The following NCK2 variants were observed in gnomAD, a reference collection of about 807,000 sequenced individuals.
NCK2 encodes the protein NCK adaptor protein 2.
A neutral mutation model predicts 33.9 loss-of-function variants in NCK2; 16 were observed. The observed-to-expected ratio is 0.47, with a 90% CI of 0.32 to 0.72. The LOEUF is 0.72. Ranked by LOEUF, NCK2 falls within the 30% of genes least tolerant of loss-of-function variation. NCK2 has a pLI of 0.03. For synonymous variants in NCK2, 273 were observed against 239.9 expected (o/e 1.14, Z -1.27); for missense variants, 418 against 537.3 (o/e 0.78, Z 2.19).
chr2:105,833,999 CTGAGA>C (rs1350430351), intron 2 of NCK2, among the ~76,000 whole-genome samples: 1 of 152,208 alleles, frequency 6.6e-6, no homozygotes, highest in African/African-American at 2.4e-5. Context: ...CTATTGTGTT[CTGAGA>C]TAATACCTGA....
chr2:105,763,021 C>A (rs1325900049), intron 1 of NCK2, among the ~76,000 whole-genome samples: 1 of 152,094 alleles, frequency 6.6e-6, no homozygotes, highest in Admixed American at 6.5e-5. Flanking sequence ...ACAGTGAAAC[C>A]CCGTCTCTAC....
At position 105,770,494 on chromosome 2, in the gene NCK2, C is replaced by T. The variant is rs534937240; in HGVS notation, c.-201+25356C>T. Reference sequence around the variant, plus strand: ...TACTGTAAGGTTGTGTGTGTGTATGCGAATGTGTGTTTACATAACTGATCA... The same window carrying T: ...TACTGTAAGGTTGTGTGTGTGTATGTGAATGTGTGTTTACATAACTGATCA... On this transcript the variant is annotated intron_variant, in intron 1 of 4. Transcript: ENST00000233154. Among the ~76,000 whole-genome samples the T allele has an allele frequency of 4.6e-5, 7 of 152,226 alleles. No homozygotes were observed. In the South Asian group the frequency reaches 1.2e-3, roughly 27 times the overall value.
chr2:105,864,927 C>G (rs1372404957), intron 3 of NCK2, among the ~76,000 whole-genome samples: 1 of 151,276 alleles, frequency 6.6e-6, no homozygotes, highest in Non-Finnish European at 1.5e-5. Context: ...CCAAATAATA[C>G]TAGAAAGAAT....
chr2:105,837,631 G>A (rs1676482872), intron 2 of NCK2, among the ~76,000 whole-genome samples: 1 of 152,172 alleles, frequency 6.6e-6, no homozygotes, highest in African/African-American at 2.4e-5. Flanking sequence ...AAGTGGAGCT[G>A]CTGCCTTGTA....
In NCK2 at chr2:105,881,414, G is replaced by C; in HGVS notation, c.313G>C (p.Gly105Arg). Residue 105 changes from glycine to arginine, a missense_variant, in exon 4 of 5, where the codon GGC becomes CGC. By Grantham distance (125) the Gly-to-Arg change is moderately radical. Coordinates refer to ENST00000233154, the MANE Select transcript of NCK2 (RefSeq NM_003581.5). The stretch of plus-strand genomic sequence containing the variant: ...CGCCGAGTACCCCGCCAATGGCAGC[G>C]GCGCCGACCGCATCTACGACCTCAA... ...TDAEYPANGS[G>R]ADRIYDLNIP... is the part of the protein sequence containing the mutation. The C allele has an allele frequency of 6.2e-7, 1 of 1,612,838 alleles. No individual in the cohort carries two copies. The highest frequency in any genetic ancestry group is 8.5e-7 in the Non-Finnish European group (1 of 1,179,940).
At chr2:105,769,659 C>T (rs762460802) in intron 1 of NCK2, among the ~76,000 whole-genome samples, 7 of 152,158 alleles carry the variant, frequency 4.6e-5, no homozygotes, top group Non-Finnish European at 1.0e-4. Flanking sequence ...TAATTAGAGT[C>T]ATTGGCCAAG....
At chr2:105,869,322 A>G (rs1431219794) in intron 3 of NCK2, among the ~76,000 whole-genome samples, 1 of 152,130 alleles carries the variant, frequency 6.6e-6, no homozygotes, top group Non-Finnish European at 1.5e-5. Context: ...GGCAGCCATC[A>G]CCTGGGCTCC....
intron 2 of NCK2, among the ~76,000 whole-genome samples, chr2:105,827,772 G>A (rs1225077384): frequency 6.6e-6 from 1 of 152,194 alleles, no homozygotes. Context: ...TACAGAGATA[G>A]AGAGCAGGTT....
intron 4 of NCK2, among the ~76,000 whole-genome samples, chr2:105,888,066 C>A (rs1362452144): frequency 6.6e-6 from 1 of 152,126 alleles, no homozygotes; most frequent in Non-Finnish European, 1.5e-5. Context: ...AGGGTTCTTG[C>A]ACTTAGTTGT....
At chr2:105,747,512 CAG>C (rs982580767) in intron 1 of NCK2, among the ~76,000 whole-genome samples, 42 of 152,244 alleles carry the variant, frequency 2.8e-4, no homozygotes, top group African/African-American at 8.7e-4. Flanking sequence ...CTGGGGGAGA[CAG>C]GGCTTGCGGA....
intron 2 of NCK2, 181 bp from the exon 3 acceptor site, chr2:105,854,867 A>T: frequency 1.8e-6 from 1 of 556,364 alleles, no homozygotes; most frequent in South Asian, 2.4e-5. Context: ...TGCTGTTTCT[A>T]AACCAAATAC....
intron 4 of NCK2, among the ~76,000 whole-genome samples, chr2:105,891,101 C>T (rs145995306): frequency 1.7e-4 from 26 of 152,354 alleles, no homozygotes; most frequent in African/African-American, 6.0e-4. Context: ...AGAGGGCTCT[C>T]CTGCCCCCAC....
chr2:105,885,355 A>T (rs1049282940), intron 4 of NCK2, among the ~76,000 whole-genome samples: 2 of 152,228 alleles, frequency 1.3e-5, no homozygotes, highest in African/African-American at 2.4e-5. Flanking sequence ...TTTAATGCAC[A>T]TATTTGTTTC....
At chr2:105,781,036 G>C (rs571405443) in intron 1 of NCK2, among the ~76,000 whole-genome samples, 55 of 152,238 alleles carry the variant, frequency 3.6e-4, no homozygotes, top group African/African-American at 1.3e-3. Context: ...CTCTCACCTG[G>C]TCGTGGTCTT....
chr2:105,810,885 C>T (rs1430926677), intron 1 of NCK2, among the ~76,000 whole-genome samples: 2 of 151,896 alleles, frequency 1.3e-5, no homozygotes, highest in Non-Finnish European at 2.9e-5. Context: ...TAATATTTGC[C>T]CGGCTATGGG....
chr2:105,860,896 C>A (rs1314791118), intron 3 of NCK2, among the ~76,000 whole-genome samples: 6 of 150,588 alleles, frequency 4.0e-5, no homozygotes, highest in Non-Finnish European at 5.9e-5. Context: ...CTCTCTACTT[C>A]TTCCAAGTTT....
chr2:105,745,653 C>T lies in NCK2; in HGVS notation c.-201+515C>T, dbSNP rs1488841427. 6 of 152,368 alleles carry T rather than the reference C, an allele frequency of 3.9e-5. No individual in the cohort carries two copies. In the East Asian group the frequency reaches 1.2e-3, roughly 29 times the overall value. The allele number at this position is 152,368 out of a possible 1,614,324, so 9.4% of individuals were successfully genotyped here. On this transcript the variant is annotated intron_variant, in intron 1 of 4. Coordinates refer to ENST00000233154, the MANE Select transcript of NCK2 (RefSeq NM_003581.5). ...CCGCGATCGGCCGGGAGAACTTAAC[C>T]GTGTTTATTACAACTATTTATGTTC... is the stretch of plus-strand genomic sequence containing the variant.
At chr2:105,850,573 C>G (rs1677027467) in intron 2 of NCK2, among the ~76,000 whole-genome samples, 1 of 152,170 alleles carries the variant, frequency 6.6e-6, no homozygotes, top group African/African-American at 2.4e-5. Context: ...TGTAGCCCTT[C>G]TCTCTTTGGG....
chr2:105,786,244 A>G (rs1392017642), intron 1 of NCK2, among the ~76,000 whole-genome samples: 2 of 152,258 alleles, frequency 1.3e-5, no homozygotes, highest in East Asian at 1.9e-4. Flanking sequence ...TCTGATAACA[A>G]ATGATTATTT....
Sources: allele counts gnomAD v4.1 joint callset (sites outside exome capture counted in the v4.1 genomes callset), GRCh38; gene constraint gnomAD v4.1.1; transcripts MANE v1.5; gene names NCBI Gene and HGNC (gene_info 2026-07-23, HGNC 2026-07-21).